The following PPARG variants were observed in gnomAD, a reference collection of about 807,000 sequenced individuals.
PPARG encodes peroxisome proliferator activated receptor gamma.
PPARG carries 17 observed loss-of-function variants against 39.2 expected under a neutral mutation model. The ratio of observed to expected loss-of-function variants is 0.43; its 90% confidence interval spans 0.30 to 0.65. PPARG has a LOEUF of 0.65. PPARG is among the 30% of genes least tolerant of loss of function. The probability of loss-of-function intolerance (pLI) is 0.13; values close to 1 mark genes in which losing one functional copy is unlikely to be tolerated. For synonymous variants in PPARG, 223 were observed against 215.7 expected (o/e 1.03, Z -0.30); for missense variants, 406 against 585.9 (o/e 0.69, Z 3.17).
intron 4 of PPARG, among the ~76,000 whole-genome samples, chr3:12,390,383 C>T (rs183154757): frequency 6.6e-5 from 10 of 152,206 alleles, no homozygotes; most frequent in South Asian, 2.1e-4. Context: ...ATATTTCAAA[C>T]GTCCATCTGC....
chr3:12,403,862 C>T (rs1205436611), intron 5 of PPARG, among the ~76,000 whole-genome samples: 4 of 152,078 alleles, frequency 2.6e-5, no homozygotes, highest in African/African-American at 9.7e-5. Context: ...TAGACAAGGA[C>T]TTAATATGTG....
intron 1 of PPARG, among the ~76,000 whole-genome samples, chr3:12,311,234 G>T (rs1463171653): frequency 1.3e-5 from 2 of 152,122 alleles, no homozygotes; most frequent in Non-Finnish European, 2.9e-5. Context: ...CTCTTGAGTA[G>T]CTGGGACTAC....
At chr3:12,288,569 C>G (rs1312760140), upstream of PPARG, among the ~76,000 whole-genome samples, 1 of 152,042 alleles carries the variant, frequency 6.6e-6, no homozygotes, top group Non-Finnish European at 1.5e-5. Flanking sequence ...CGCGTGCGTC[C>G]GTCCTGAGGC....
At chr3:12,310,964 G>A (rs1382071165) in intron 1 of PPARG, among the ~76,000 whole-genome samples, 2 of 152,072 alleles carry the variant, frequency 1.3e-5, no homozygotes, top group African/African-American at 2.4e-5. Context: ...AAATTGCTGT[G>A]ATACTGGTCA....
At chr3:12,347,229 A>G (rs984422074) in intron 2 of PPARG, among the ~76,000 whole-genome samples, 7 of 151,734 alleles carry the variant, frequency 4.6e-5, no homozygotes, top group African/African-American at 1.7e-4. Flanking sequence ...GAGCAACTGA[A>G]ATCCTAGCTG....
chr3:12,392,034 T>C (rs1241783760), intron 4 of PPARG, among the ~76,000 whole-genome samples: 2 of 152,184 alleles, frequency 1.3e-5, no homozygotes, highest in African/African-American at 4.8e-5. Flanking sequence ...GTTATTCCCA[T>C]AGTCTCTTTC....
At chr3:12,364,227 A>G (rs2048943588) in intron 2 of PPARG, among the ~76,000 whole-genome samples, 1 of 152,178 alleles carries the variant, frequency 6.6e-6, no homozygotes, top group Non-Finnish European at 1.5e-5. Context: ...GTTCTCCCCC[A>G]AACTTCTGAC....
chr3:12,356,875 C>G lies in PPARG; in HGVS notation c.-8-22829C>G, dbSNP rs188672873. The stretch of plus-strand genomic sequence containing the variant: ...CCAAGCCTAGTATGTCTTGAAATGC[C>G]TTTCCTAATTCTTCCATCTTTTCAA... On this transcript the variant is annotated intron_variant, in intron 2 of 7. Coordinates refer to ENST00000651735, the MANE Select transcript of PPARG (RefSeq NM_138711.6). Among the ~76,000 whole-genome samples the G allele has an allele frequency of 2.7e-3, 418 of 152,252 alleles. 3 individuals are homozygous for G. The highest frequency in any genetic ancestry group is 0.024 in the Middle Eastern group (7 of 294).
At chr3:12,340,880 A>T (rs1470255403) in intron 2 of PPARG, among the ~76,000 whole-genome samples, 1 of 152,208 alleles carries the variant, frequency 6.6e-6, no homozygotes, top group Non-Finnish European at 1.5e-5. Flanking sequence ...GTGGTTTTGT[A>T]TATGCAATAA....
intron 7 of PPARG, among the ~76,000 whole-genome samples, chr3:12,427,805 C>G (rs947473697): frequency 6.6e-6 from 1 of 152,180 alleles, no homozygotes; most frequent in South Asian, 2.1e-4. Context: ...ACTGGGTTCC[C>G]TAAGTAGCCC....
chr3:12,392,517 C>G, intron 4 of PPARG, 97 bp from the exon 5 acceptor site: 10 of 1,428,974 alleles, frequency 7.0e-6, no homozygotes, highest in Non-Finnish European at 9.8e-6. Flanking sequence ...AAGAACCTGC[C>G]TTTTCTGATT....
chr3:12,346,372 T>C (rs567418368), intron 2 of PPARG, among the ~76,000 whole-genome samples: 2 of 152,170 alleles, frequency 1.3e-5, no homozygotes, highest in Non-Finnish European at 1.5e-5. Flanking sequence ...TTTAAATAAA[T>C]GAATTACAGT....
chr3:12,309,606 A>C (rs1290266699), intron 1 of PPARG, among the ~76,000 whole-genome samples: 1 of 152,248 alleles, frequency 6.6e-6, no homozygotes, highest in Non-Finnish European at 1.5e-5. Flanking sequence ...TAAGAAAATC[A>C]TCTCTTCCTT....
intron 2 of PPARG, among the ~76,000 whole-genome samples, chr3:12,342,690 A>G (rs1245592485): frequency 6.6e-6 from 1 of 152,130 alleles, no homozygotes; most frequent in Admixed American, 6.5e-5. Context: ...AGAGTTCAAC[A>G]TTGGTTATAT....
At chr3:12,319,328 G>C (rs1574981755) in intron 2 of PPARG, among the ~76,000 whole-genome samples, 1 of 152,316 alleles carries the variant, frequency 6.6e-6, no homozygotes, top group Non-Finnish European at 1.5e-5. Flanking sequence ...CTAAGGGAAA[G>C]GTCACATCCT....
chr3:12,323,003 G>A (rs1213452015), intron 2 of PPARG, among the ~76,000 whole-genome samples: 7 of 151,438 alleles, frequency 4.6e-5, no homozygotes, highest in Non-Finnish European at 7.4e-5. Context: ...GTGGAATCTC[G>A]CTATGTTGGC....
chr3:12,310,084 C>T (rs12634544), intron 1 of PPARG, among the ~76,000 whole-genome samples: 37,696 of 151,828 alleles, frequency 0.25, 4,756 homozygotes, highest in East Asian at 0.32. Flanking sequence ...CATCTGGGGA[C>T]GATTCCTTCT....
At chr3:12,298,298 CAAAAAAA>C (rs58459399) in intron 1 of PPARG, among the ~76,000 whole-genome samples, 19 of 41,356 alleles carry the variant, frequency 4.6e-4, no homozygotes, top group Admixed American at 9.9e-4. Flanking sequence ...GACTCTGTCT[CAAAAAAA>C]AAAAAAAAAA....
At chr3:12,341,703 G>A (rs576407993) in intron 2 of PPARG, among the ~76,000 whole-genome samples, 1 of 152,196 alleles carries the variant, frequency 6.6e-6, no homozygotes, top group East Asian at 1.9e-4. Context: ...CAGCTACTCA[G>A]GAGGCTGAGG....
Sources: allele counts gnomAD v4.1 joint callset (sites outside exome capture counted in the v4.1 genomes callset), GRCh38; gene constraint gnomAD v4.1.1; transcripts MANE v1.5; gene names NCBI Gene and HGNC (gene_info 2026-07-23, HGNC 2026-07-21).